The following SCPEP1 variants were observed in gnomAD, a reference collection of about 807,000 sequenced individuals.
The protein encoded by SCPEP1 is retinoid-inducible serine carboxypeptidase.
A neutral mutation model predicts 63.8 loss-of-function variants in SCPEP1; 51 were observed. That is an observed-to-expected ratio of 0.80 (90% CI 0.64 to 1.01). The LOEUF is 1.01. Among genes scored for constraint, SCPEP1 ranks in the 50% least tolerant of loss-of-function variants. The pLI is 0.00. For synonymous variants in SCPEP1, 204 were observed against 207.8 expected (o/e 0.98, Z 0.16); for missense variants, 499 against 554.9 (o/e 0.90, Z 1.01).
At chr17:56,981,284 G>T (rs958709437) in intron 2 of SCPEP1, 54 bp downstream of exon 2, 51 of 1,599,378 alleles carry the variant, frequency 3.2e-5, no homozygotes, top group Non-Finnish European at 5.1e-6. Flanking sequence ...CCTCTGTGTG[G>T]CTCTTTGCTT....
At chr17:56,996,743 T>C (rs978030562) in intron 8 of SCPEP1, among the ~76,000 whole-genome samples, 1 of 151,860 alleles carries the variant, frequency 6.6e-6, no homozygotes, top group African/African-American at 2.4e-5. Flanking sequence ...GGTCTCGAAC[T>C]CCTGGGCTCA....
intron 6 of SCPEP1, among the ~76,000 whole-genome samples, chr17:56,992,627 C>G (rs915022315): frequency 6.6e-6 from 1 of 152,156 alleles, no homozygotes; most frequent in Non-Finnish European, 1.5e-5. Flanking sequence ...GCACTAAGTA[C>G]TTTACATGTG....
chr17:56,999,006 AG>A lies in SCPEP1; in HGVS notation c.994+511del, dbSNP rs1207926012. On this transcript the variant is annotated intron_variant, in intron 10 of 12. Coordinates refer to ENST00000262288, the MANE Select transcript of SCPEP1 (RefSeq NM_021626.3). The stretch of plus-strand genomic sequence containing the variant: ...AATTGATTCAAAATAAGGAGTTGGT[AG>A]GGAGCTGAGTGGGGAGGGAAATAAT... Among the ~76,000 whole-genome samples the A allele has an allele frequency of 7.3e-3, 1,104 of 152,274 alleles. 16 individuals are homozygous for A. Among genetic ancestry groups the A allele is most frequent in the African/African-American group, 0.025 (1,050 of 41,566 alleles).
rs1426887474 is a variant in SCPEP1, at chr17:57,000,758, T to TTGTTCGG, written c.995-94_995-88dup. ...TGTGAAGCATCTGTGCATTCAGTCG[T>TTGTTCGG]TGTTCGGTGCTGGAGCCCAAGATGC... is the stretch of plus-strand genomic sequence containing the variant. On this transcript the variant is annotated intron_variant, in intron 10 of 12. Coordinates refer to ENST00000262288, the MANE Select transcript of SCPEP1 (RefSeq NM_021626.3). The TTGTTCGG allele has an allele frequency of 1.5e-5, 21 of 1,405,216 alleles. 1 individual carries two copies. The African/African-American group carries it at 2.7e-4, about 18-fold the overall frequency. The allele number at this position is 1,405,216 out of a possible 1,614,324, so 87.0% of individuals were successfully genotyped here.
intron 5 of SCPEP1, among the ~76,000 whole-genome samples, chr17:56,989,580 T>G (rs1472811376): frequency 6.6e-6 from 1 of 152,240 alleles, no homozygotes; most frequent in Non-Finnish European, 1.5e-5. Context: ...AACAGCTGGT[T>G]GGCTGTCAGT....
chr17:56,998,388 G>A lies in SCPEP1; in HGVS notation c.884G>A (p.Cys295Tyr), dbSNP rs142794209. Residue 295 changes from cysteine (C) to tyrosine (Y), a missense_variant, in exon 10 of 13, where the codon TGT (cysteine) becomes TAT (tyrosine). Physicochemically the swap from Cys to Tyr is radical, Grantham distance 194 (BLOSUM62 -2). Coordinates refer to ENST00000262288, the MANE Select transcript of SCPEP1 (RefSeq NM_021626.3). The part of the protein sequence containing the change: ...SLEFTQSHLV[C>Y]LCQRHVRHLQ... ...CTATCTACCAGTTTGGTTTTAGTTT[G>A]TCTTTGTCAGCGCCACGTGAGACAC... The A allele has an allele frequency of 5.4e-5, 87 of 1,606,408 alleles. 1 individual carries two copies. In the African/African-American group the frequency reaches 1.0e-3, roughly 19 times the overall value.
intron 4 of SCPEP1, among the ~76,000 whole-genome samples, 172 bp downstream of exon 4, chr17:56,988,022 T>C (rs555960031): frequency 4.6e-5 from 7 of 152,368 alleles, no homozygotes; most frequent in African/African-American, 1.7e-4. Flanking sequence ...CTAAAGTTGA[T>C]ATTTAACTTG....
At chr17:57,002,797 C>G (rs748354435) in intron 12 of SCPEP1, among the ~76,000 whole-genome samples, 30 of 151,016 alleles carry the variant, frequency 2.0e-4, no homozygotes, top group African/African-American at 7.1e-4. Context: ...ATTGATTGAG[C>G]CTGAAAGTTA....
intron 1 of SCPEP1, among the ~76,000 whole-genome samples, chr17:56,980,788 CAAAAAAAAAAAAAAA>C (rs10716600): frequency 1.3e-5 from 1 of 77,140 alleles, no homozygotes; most frequent in African/African-American, 4.9e-5. Context: ...GACTTCGTAT[CAAAAAAAAAAAAAAA>C]AAAAAAAAAG....
rs749530792 is a variant in SCPEP1, at chr17:57,006,210, T to C, written c.1334T>C (p.Met445Thr). The part of the protein sequence containing the change: ...SDQGDMALKM[M>T]RLVTQQE ...CAAGGGGACATGGCTCTGAAGATGA[T>C]GAGACTGGTGACTCAGCAAGAATAG... Residue 445 changes from methionine to threonine, a missense_variant, in exon 13 of 13, where the codon ATG (methionine) becomes ACG (threonine). Transcript: ENST00000262288. The C allele has an allele frequency of 8.1e-6, 13 of 1,611,266 alleles. No individual in the cohort carries two copies. The African/African-American group carries it at 1.2e-4, about 15-fold the overall frequency.
chr17:56,978,481 G>A (rs1351429107), intron 1 of SCPEP1, among the ~76,000 whole-genome samples: 1 of 151,356 alleles, frequency 6.6e-6, no homozygotes, highest in African/African-American at 2.4e-5. Context: ...CTAGATAGAA[G>A]CTGTGTGCAG....
rs112408504 is a variant in SCPEP1, at chr17:56,996,502, G to T, written c.787-460G>T. Among the ~76,000 whole-genome samples the T allele has an allele frequency of 2.0e-5, 3 of 151,340 alleles. No homozygotes were observed. The East Asian group carries it at 5.8e-4, about 29-fold the overall frequency. ...TTATAGGCGTGAGCCACCGCGCCTG[G>T]CCTCTTTTTCCTTTCTTTCTTTTTT... On this transcript the variant is annotated intron_variant, in intron 8 of 12. Coordinates refer to ENST00000262288, the MANE Select transcript of SCPEP1 (RefSeq NM_021626.3).
chr17:56,985,277 A>T (rs1911181062), intron 2 of SCPEP1, 101 bp from the exon 3 acceptor site: 1 of 861,240 alleles, frequency 1.2e-6, no homozygotes, highest in Non-Finnish European at 1.9e-6. Flanking sequence ...AAATTGACCC[A>T]GCCATCACTA....
At position 56,987,902 on chromosome 17, in the gene SCPEP1, A is replaced by G. The variant is rs781392064; in HGVS notation, c.471+52A>G. On this transcript the variant is annotated intron_variant, in intron 4 of 12. Coordinates refer to ENST00000262288, the MANE Select transcript of SCPEP1 (RefSeq NM_021626.3). ...GTAAAGGGCTGGCAATATCAACTCT[A>G]CATCCATCAGCATAAACCTGAACTG... The G allele has an allele frequency of 1.0e-5, 16 of 1,591,678 alleles. No homozygotes were observed. In the African/African-American group the frequency reaches 1.8e-4, roughly 17 times the overall value.
At chr17:56,982,417 C>G (rs912403633) in intron 2 of SCPEP1, among the ~76,000 whole-genome samples, 2 of 152,236 alleles carry the variant, frequency 1.3e-5, no homozygotes, top group African/African-American at 4.8e-5. Context: ...GGGCCTTTCT[C>G]TTTTGGAATT....
At position 57,001,093 on chromosome 17, in the gene SCPEP1, A is replaced by G. The variant is rs536680137; in HGVS notation, c.1132+101A>G. 3.9e-6 allele frequency: 5 copies of G among 1,269,526 alleles called. No individual in the cohort carries two copies. In the Admixed American group the frequency reaches 8.7e-5, roughly 22 times the overall value. The allele number at this position is 1,269,526 out of a possible 1,614,324, so 78.6% of individuals were successfully genotyped here. ...CAGTCTTGCGGTGGGTGATGTTGAA[A>G]TGCCAGGTGGAAGGCCATTTCCCAT... is the stretch of plus-strand genomic sequence containing the variant. On this transcript the variant is annotated intron_variant, in intron 11 of 12. Transcript: ENST00000262288.
At chr17:56,993,706 C>T (rs932087836) in intron 6 of SCPEP1, among the ~76,000 whole-genome samples, 1 of 152,186 alleles carries the variant, frequency 6.6e-6, no homozygotes, top group Admixed American at 6.5e-5. Flanking sequence ...CTCGGCCTCC[C>T]AAAGTGCTGG....
At chr17:57,001,505 A>G (rs527243043) in intron 11 of SCPEP1, among the ~76,000 whole-genome samples, 3 of 152,320 alleles carry the variant, frequency 2.0e-5, no homozygotes, top group African/African-American at 7.2e-5. Context: ...GCTCAGAGAC[A>G]GGTTCTCTGA....
chr17:56,997,780 A>G (rs1911612087), intron 9 of SCPEP1, among the ~76,000 whole-genome samples: 2 of 150,492 alleles, frequency 1.3e-5, no homozygotes, highest in South Asian at 4.2e-4. Flanking sequence ...TTTTTAAGAG[A>G]TAAGGTTTCA....
Sources: gnomAD v4.1 joint callset for allele counts (sites outside exome capture counted in the v4.1 genomes callset) on GRCh38, gnomAD v4.1.1 for gene constraint, MANE v1.5 for transcripts, NCBI Gene and HGNC (gene_info 2026-07-23, HGNC 2026-07-21) for gene names.